SGIP1: variants seen among roughly 807,000 people sequenced by gnomAD.
The protein encoded by SGIP1 is SH3GL interacting endocytic adaptor 1.
Under a neutral mutation model 107.5 loss-of-function variants are expected in SGIP1, and 38 were observed. That is an observed-to-expected ratio of 0.35 (90% CI 0.27 to 0.46). The LOEUF is 0.46. SGIP1 is among the 20% of genes least tolerant of loss of function. The pLI, the probability that SGIP1 is intolerant of heterozygous loss-of-function variation, is 1.00. For synonymous variants in SGIP1, 365 were observed against 366.1 expected (o/e 1.00, Z 0.03); for missense variants, 929 against 1,019.5 (o/e 0.91, Z 1.21).
At chr1:66,539,656 C>G (rs188775074) in intron 1 of SGIP1, among the ~76,000 whole-genome samples, 9 of 152,326 alleles carry the variant, frequency 5.9e-5, no homozygotes, top group Admixed American at 5.2e-4. Flanking sequence ...AGCCACACTG[C>G]CTGCCTCCTC....
intron 4 of SGIP1, among the ~76,000 whole-genome samples, chr1:66,638,785 G>A (rs1201537642): frequency 6.6e-6 from 1 of 152,128 alleles, no homozygotes; most frequent in African/African-American, 2.4e-5. Flanking sequence ...TGTTTACATT[G>A]CAGTTCAAGT....
chr1:66,636,244 AG>A (rs1163191275), intron 4 of SGIP1, among the ~76,000 whole-genome samples: 1 of 152,224 alleles, frequency 6.6e-6, no homozygotes. Flanking sequence ...CACACATAAA[AG>A]ATGTGTGTTA....
rs1489882052 is a variant in SGIP1, at chr1:66,747,337, G to C, written c.*4242G>C. Reference sequence around the variant, plus strand: ...TTCTAAGATGAAAACCATTTTTCTAGTCAGTTTATTTTTCATTCAGTCCAC... The same window carrying C: ...TTCTAAGATGAAAACCATTTTTCTACTCAGTTTATTTTTCATTCAGTCCAC... On this transcript the variant is annotated 3_prime_UTR_variant, in exon 25 of 25. Transcript: ENST00000371037. The C allele has an allele frequency of 9.2e-5, 14 of 151,954 alleles. No individual in the cohort carries two copies. The highest frequency in any genetic ancestry group is 9.2e-4 in the Admixed American group (14 of 15,250). The allele number at this position is 151,954 out of a possible 1,614,324, so 9.4% of individuals were successfully genotyped here.
At chr1:66,736,453 C>A (rs1263158575) in intron 21 of SGIP1, among the ~76,000 whole-genome samples, 485 of 103,608 alleles carry the variant, frequency 4.7e-3, no homozygotes, top group African/African-American at 0.018. Context: ...TAATATATTG[C>A]GTATTATATG....
chr1:66,575,253 C>A (rs2060904444), intron 1 of SGIP1, among the ~76,000 whole-genome samples: 1 of 152,112 alleles, frequency 6.6e-6, no homozygotes, highest in South Asian at 2.1e-4. Flanking sequence ...ATATTAGGTC[C>A]TGTGTGAATT....
At chr1:66,733,445 T>G (rs886464243) in intron 20 of SGIP1, among the ~76,000 whole-genome samples, 1 of 152,180 alleles carries the variant, frequency 6.6e-6, no homozygotes. Context: ...TAAGTTTGAG[T>G]TAATAAATAA....
At chr1:66,606,644 C>A (rs1421367377) in intron 1 of SGIP1, among the ~76,000 whole-genome samples, 2 of 152,226 alleles carry the variant, frequency 1.3e-5, no homozygotes, top group Admixed American at 6.5e-5. Flanking sequence ...GGCTCTGATT[C>A]CTTCCAAGGT....
At chr1:66,654,097 G>C (rs1261297158) in intron 7 of SGIP1, among the ~76,000 whole-genome samples, 1 of 152,120 alleles carries the variant, frequency 6.6e-6, no homozygotes, top group Non-Finnish European at 1.5e-5. Flanking sequence ...TTGATTGTCT[G>C]GGTGGATGGA....
At chr1:66,737,479 G>T (rs1021264593) in intron 21 of SGIP1, among the ~76,000 whole-genome samples, 2 of 152,034 alleles carry the variant, frequency 1.3e-5, no homozygotes, top group South Asian at 4.1e-4. Flanking sequence ...GATCACTTGA[G>T]CCCAGGAGTT....
intron 8 of SGIP1, among the ~76,000 whole-genome samples, chr1:66,664,081 A>G (rs1391368542): frequency 6.6e-6 from 1 of 152,160 alleles, no homozygotes; most frequent in Non-Finnish European, 1.5e-5. Flanking sequence ...ATTGTTTGTC[A>G]TGAAATTCCC....
chr1:66,590,777 T>G (rs1006261981), intron 1 of SGIP1, among the ~76,000 whole-genome samples: 4 of 152,216 alleles, frequency 2.6e-5, no homozygotes, highest in African/African-American at 4.8e-5. Flanking sequence ...TTTTTCAATG[T>G]TTTGTAGAAA....
chr1:66,740,831 C>A, intron 23 of SGIP1, 109 bp downstream of exon 23: 2 of 699,322 alleles, frequency 2.9e-6, no homozygotes, highest in Non-Finnish European at 4.8e-6. Context: ...CAGAATATTT[C>A]ACTCCATTTT....
intron 13 of SGIP1, 25 bp from the exon 14 acceptor site, chr1:66,679,653 T>C (rs1400338145): frequency 1.9e-6 from 3 of 1,600,292 alleles, no homozygotes; most frequent in Non-Finnish European, 2.6e-6. Context: ...TGACCAATGA[T>C]ACTTAATTTC....
chr1:66,717,875 G>C (rs2093332537), intron 18 of SGIP1, among the ~76,000 whole-genome samples: 1 of 152,182 alleles, frequency 6.6e-6, no homozygotes, highest in African/African-American at 2.4e-5. Flanking sequence ...ATTAAGATTA[G>C]TGAATGTTGA....
In SGIP1 at chr1:66,682,147, G is replaced by T; in HGVS notation, c.1093G>T (p.Gly365Trp). ...TCCCACAGGCCCCCCAGGGCCTCCT[G>T]GGCCTCCTCGCAATGTACTATCGCC... ...PGPTGPPGPPGPPRNVLSPLN... is the reference protein window; with the variant it reads ...PGPTGPPGPPWPPRNVLSPLN... The change falls in exon 15 of 25, where the codon GGG (glycine) becomes TGG (tryptophan). Residue 365 changes from glycine to tryptophan, a missense_variant. By Grantham distance (184) the Gly-to-Trp change is radical (BLOSUM62 -2). Transcript: ENST00000371037. The T allele has an allele frequency of 6.2e-7, 1 of 1,614,192 alleles. No homozygotes were observed.
chr1:66,607,125 C>A (rs1434323454), intron 1 of SGIP1, among the ~76,000 whole-genome samples: 1 of 152,186 alleles, frequency 6.6e-6, no homozygotes, highest in Non-Finnish European at 1.5e-5. Context: ...TAACAGAATT[C>A]GAGCAGGCAT....
At chr1:66,663,643 C>T (rs1339694748) in intron 8 of SGIP1, among the ~76,000 whole-genome samples, 1 of 152,090 alleles carries the variant, frequency 6.6e-6, no homozygotes, top group East Asian at 1.9e-4. Flanking sequence ...CAGCTTCTAG[C>T]TGTGTCTTTT....
Position 66,573,641 on chromosome 1 carries a change from C to T in SGIP1, c.10+39273C>T, listed in dbSNP as rs762818476. Among the ~76,000 whole-genome samples the T allele has an allele frequency of 6.9e-4, 105 of 152,050 alleles. 1 individual carries two copies. Among genetic ancestry groups the T allele is most frequent in the Non-Finnish European group, 7.5e-4 (51 of 67,992 alleles). On this transcript the variant is annotated intron_variant, in intron 1 of 24. Transcript: ENST00000371037. ...AATGGAGCTGAAGGCCATTATCCTT[C>T]GCAAACTAATGCAGCAACAGAAAAC...
chr1:66,637,250 A>G (rs1161115151), intron 4 of SGIP1, among the ~76,000 whole-genome samples: 1 of 152,032 alleles, frequency 6.6e-6, no homozygotes, highest in Middle Eastern at 3.2e-3. Context: ...TATCTTCACT[A>G]TTACTAGTAC....
Sources: allele counts gnomAD v4.1 joint callset (sites outside exome capture counted in the v4.1 genomes callset), GRCh38; gene constraint gnomAD v4.1.1; transcripts MANE v1.5; gene names NCBI Gene and HGNC (gene_info 2026-07-23, HGNC 2026-07-21).